Variants in GRAMD2B observed in about 807,000 individuals in gnomAD.
GRAMD2B encodes the protein GRAM domain containing 2B, also known as GRAM domain-containing protein 2B.
In GRAMD2B, 41 loss-of-function variants were observed where a neutral mutation model predicts 59.2. The ratio of observed to expected loss-of-function variants is 0.69; its 90% confidence interval spans 0.54 to 0.90. The LOEUF (loss-of-function observed/expected upper bound fraction) is 0.90. Ranked by LOEUF, GRAMD2B falls within the 40% of genes least tolerant of loss-of-function variation. GRAMD2B has a pLI of 0.00. For missense variants in GRAMD2B, 424 were observed against 500.5 expected, an observed-to-expected ratio of 0.85 and a Z score of 1.46; for synonymous variants, 161 against 182.7, an observed-to-expected ratio of 0.88 and a Z score of 0.96.
At chr5:126,431,594 C>G (rs1295247161) in intron 1 of GRAMD2B, among the ~76,000 whole-genome samples, 1 of 152,138 alleles carries the variant, frequency 6.6e-6, no homozygotes, top group African/African-American at 2.4e-5. Flanking sequence ...CTGGGCCACC[C>G]TCTGAACAAT....
chr5:126,483,425 G>A (rs779323526), intron 8 of GRAMD2B, 38 bp from the exon 9 acceptor site: 2 of 1,277,064 alleles, frequency 1.6e-6, no homozygotes, highest in South Asian at 1.2e-5. Context: ...TTTACTAAGG[G>A]AATATCAGCC....
chr5:126,445,365 T>A (rs1294664192), intron 1 of GRAMD2B: 17 of 152,238 alleles, frequency 1.1e-4, no homozygotes, highest in Admixed American at 1.1e-3. Flanking sequence ...ATCTGTTTTT[T>A]CTTCACTTTT....
In GRAMD2B at chr5:126,403,607, G is replaced by A. The variant is rs1464913421; in HGVS notation, c.125+32040G>A. On this transcript the variant is annotated intron_variant, in intron 1 of 8. Transcript: ENST00000506445. ...CTCTAGGGGAAAAAAGAGCAGGGGG[G>A]AAAAAATTTTAACAGTTTAAAATAA... Among the ~76,000 whole-genome samples the A allele has an allele frequency of 2.6e-5, 4 of 151,764 alleles. No homozygotes were observed. The East Asian group carries it at 5.8e-4, about 22-fold the overall frequency.
chr5:126,376,191 G>C (rs1755168729), intron 1 of GRAMD2B, among the ~76,000 whole-genome samples: 1 of 152,226 alleles, frequency 6.6e-6, no homozygotes, highest in South Asian at 2.1e-4. Flanking sequence ...AGTGGAGTTA[G>C]TGTGTAGAAT....
chr5:126,465,600 T>C, intron 2 of GRAMD2B, 55 bp downstream of exon 2: 1 of 1,529,652 alleles, frequency 6.5e-7, no homozygotes, highest in Non-Finnish European at 9.0e-7. Flanking sequence ...GAGAAGGCGT[T>C]ACAGGAGGAG....
At chr5:126,465,194 A>G in intron 1 of GRAMD2B, 1 of 1,379,214 alleles carries the variant, frequency 7.3e-7, no homozygotes, top group Non-Finnish European at 9.4e-7. Flanking sequence ...GCAAGTCCAC[A>G]CAGTCTGGCA....
At chr5:126,366,047 C>T (rs147193261) in intron 1 of GRAMD2B, among the ~76,000 whole-genome samples, 5 of 152,252 alleles carry the variant, frequency 3.3e-5, no homozygotes, top group Non-Finnish European at 7.4e-5. Context: ...GGGCAAACTC[C>T]CTCTAAAGTC....
chr5:126,428,353 CATATT>C (rs1760966828), intron 1 of GRAMD2B, among the ~76,000 whole-genome samples: 1 of 151,914 alleles, frequency 6.6e-6, no homozygotes, highest in Non-Finnish European at 1.5e-5. Context: ...AAATGGTATA[CATATT>C]ATATTTATAA....
intron 1 of GRAMD2B, among the ~76,000 whole-genome samples, chr5:126,405,110 T>A (rs1170704455): frequency 6.6e-6 from 1 of 151,816 alleles, no homozygotes; most frequent in Non-Finnish European, 1.5e-5. Flanking sequence ...AAGATTTTAA[T>A]CCTGACTATG....
At chr5:126,423,756 G>T in intron 1 of GRAMD2B, 67 bp downstream of exon 1, 1 of 1,491,648 alleles carries the variant, frequency 6.7e-7, no homozygotes, top group Middle Eastern at 1.7e-4. Flanking sequence ...TCTCTGCCCC[G>T]GGACGCATTT....
At chr5:126,487,544 C>T (rs1045617278) in intron 12 of GRAMD2B, among the ~76,000 whole-genome samples, 1 of 152,080 alleles carries the variant, frequency 6.6e-6, no homozygotes, top group Non-Finnish European at 1.5e-5. Context: ...TTACAAGAAG[C>T]TTTTGACACA....
chr5:126,360,422 G>A (rs1225054697), exon 1 of GRAMD2B: 21 of 1,551,296 alleles, frequency 1.4e-5, no homozygotes, highest in East Asian at 4.9e-5. Context: ...TATGTTCCAC[G>A]GGAGAGAAGT....
intron 1 of GRAMD2B, among the ~76,000 whole-genome samples, chr5:126,401,607 C>T (rs990902486): frequency 6.6e-6 from 1 of 152,106 alleles, no homozygotes; most frequent in Non-Finnish European, 1.5e-5. Context: ...AGAGAAAGAC[C>T]TTTACCAGTC....
intron 13 of GRAMD2B, chr5:126,490,149 T>G (rs1402402924): frequency 6.6e-6 from 1 of 152,226 alleles, no homozygotes; most frequent in Non-Finnish European, 1.5e-5. Context: ...TTTCTTCCTT[T>G]CTAAAACATT....
rs546834151 is a variant in GRAMD2B at position 126,471,041 on chromosome 5, T to C, written c.316-1197T>C. 1.4e-4 allele frequency among the ~76,000 whole-genome samples: 21 copies of C among 152,332 alleles called. No individual in the cohort carries two copies. The South Asian group carries it at 4.4e-3, about 32-fold the overall frequency. On this transcript the variant is annotated intron_variant, in intron 3 of 13. Coordinates refer to ENST00000285689, the MANE Select transcript of GRAMD2B (RefSeq NM_023927.4). The stretch of plus-strand genomic sequence containing the variant: ...AACACCTAGCTTTAATCAAGGTATC[T>C]TTCTATAAGGAGTTTATCTGTAAAA...
intron 1 of GRAMD2B, among the ~76,000 whole-genome samples, chr5:126,447,490 G>A (rs571732292): frequency 5.3e-5 from 8 of 152,038 alleles, no homozygotes; most frequent in African/African-American, 1.7e-4. Flanking sequence ...GTGAAACCCC[G>A]TCTCTACTAA....
intron 1 of GRAMD2B, among the ~76,000 whole-genome samples, chr5:126,391,344 G>T (rs916168348): frequency 6.5e-5 from 4 of 62,012 alleles, no homozygotes; most frequent in South Asian, 5.2e-4. Flanking sequence ...AAAAAAACTT[G>T]TACACTGTTA....
At chr5:126,483,639 C>T in intron 9 of GRAMD2B, 65 bp downstream of exon 9, 1 of 744,214 alleles carries the variant, frequency 1.3e-6, no homozygotes, top group Non-Finnish European at 2.2e-6. Context: ...ACCCCACCCC[C>T]TTAAAAAAAA....
At chr5:126,419,896 A>T (rs779208490), upstream of GRAMD2B, among the ~76,000 whole-genome samples, 12 of 152,040 alleles carry the variant, frequency 7.9e-5, no homozygotes, top group Admixed American at 2.6e-4. Flanking sequence ...CTCCACTAAA[A>T]ATACAAAAAT....
Sources: gnomAD v4.1 joint callset for allele counts (sites outside exome capture counted in the v4.1 genomes callset) on GRCh38, gnomAD v4.1.1 for gene constraint, MANE v1.5 for transcripts, NCBI Gene and HGNC (gene_info 2026-07-23, HGNC 2026-07-21) for gene names.